The following NLRP11 variants were observed in gnomAD, a reference collection of about 807,000 sequenced individuals.
NLRP11 encodes NACHT, LRR and PYD domains-containing protein 11.
A neutral mutation model predicts 79.3 loss-of-function variants in NLRP11; 53 were observed. The ratio of observed to expected loss-of-function variants is 0.67; its 90% CI spans 0.54 to 0.84. The LOEUF is 0.84. Among genes scored for constraint, NLRP11 ranks in the 40% least tolerant of loss-of-function variants. NLRP11 has a pLI of 0.00. For synonymous variants in NLRP11, 518 were observed against 462.6 expected, an observed-to-expected ratio of 1.12 and a Z score of -1.54; for missense variants, 1,264 against 1,255.0, an observed-to-expected ratio of 1.01 and a Z score of -0.11.
Position 55,807,915 on chromosome 19 carries a change from A to G in NLRP11, c.1941T>C (p.Gly647=), listed in dbSNP as rs145678087. The change falls in exon 4 of 10, where the codon GGT becomes GGC. Residue 647 remains glycine, a synonymous_variant. Coordinates refer to ENST00000589093, the Ensembl canonical transcript of NLRP11. ...CTTTAGACAGAATCCTTTCTGAAAT[A>G]CCATTAAGGTCATTGTCAAAGATAT... The G allele has an allele frequency of 1.6e-4, 255 of 1,612,264 alleles. No individual in the cohort carries two copies. In the African/African-American group the frequency reaches 3.1e-3, roughly 19 times the overall value.
Position 55,789,391 on chromosome 19 carries a change from CCAGA to C in NLRP11, c.2518_2521del (p.Ser840AlafsTer14), listed in dbSNP as rs770595894. 12 of 1,610,416 alleles carry C rather than the reference CCAGA, an allele frequency of 7.5e-6. No homozygotes were observed. Among genetic ancestry groups the C allele is most frequent in the Non-Finnish European group, 1.0e-5 (12 of 1,178,878 alleles). ...ACAGATATCGCTGCTAAAGAAACAG[CCAGA>C]CAGACTGCAAAACAGAAACATGAGC... is the stretch of plus-strand genomic sequence containing the variant. On this transcript the variant is annotated frameshift_variant, in exon 8 of 10. Coordinates refer to ENST00000589093, the Ensembl canonical transcript of NLRP11. LOFTEE classifies it high-confidence loss of function.
At chr19:55,801,871 T>C in intron 4 of NLRP11, 132 bp from the exon 5 acceptor site, 1 of 720,938 alleles carries the variant, frequency 1.4e-6, no homozygotes, top group Non-Finnish European at 2.3e-6. Flanking sequence ...TGGCTCTCGA[T>C]CTTAAATTTC....
intron 5 of NLRP11, chr19:55,798,241 G>C: frequency 3.9e-6 from 3 of 763,954 alleles, no homozygotes; most frequent in Non-Finnish European, 4.8e-6. Context: ...CAGGTGATCT[G>C]CCCGCCTCGG....
intron 1 of NLRP11, among the ~76,000 whole-genome samples, chr19:55,822,124 G>T (rs1222867224): frequency 6.6e-6 from 1 of 152,086 alleles, no homozygotes; most frequent in African/African-American, 2.4e-5. Flanking sequence ...AGGCAAGCAT[G>T]GTGGTGGTGG....
chr19:55,814,924 A>C (rs8101301), intron 2 of NLRP11, among the ~76,000 whole-genome samples: 76 of 152,282 alleles, frequency 5.0e-4, no homozygotes, highest in African/African-American at 1.7e-3. Context: ...GTGAGTGAGC[A>C]AGAGTCCCCA....
At chr19:55,822,845 C>T (rs538987999) in intron 1 of NLRP11, among the ~76,000 whole-genome samples, 12 of 152,260 alleles carry the variant, frequency 7.9e-5, no homozygotes, top group Non-Finnish European at 1.5e-4. Flanking sequence ...GAGGGGCGCC[C>T]GCCATTGCCC....
chr19:55,829,447 G>A (rs1388987956), intron 1 of NLRP11, among the ~76,000 whole-genome samples: 1 of 151,868 alleles, frequency 6.6e-6, no homozygotes, highest in Admixed American at 6.6e-5. Context: ...GGCAGATCAC[G>A]AGGTCAGGAG....
chr19:55,831,556 C>T (rs756633326), intron 1 of NLRP11, among the ~76,000 whole-genome samples: 119 of 152,126 alleles, frequency 7.8e-4, no homozygotes, highest in Non-Finnish European at 1.3e-3. Flanking sequence ...AGCGAGACTC[C>T]GTCTCAAAAT....
Position 55,809,197 on chromosome 19 carries a change from G to T in NLRP11, c.1413C>A (p.Ile471=), listed in dbSNP as rs1429055971. Residue 471 remains isoleucine, a synonymous_variant, in exon 3 of 10, where the codon ATC becomes ATA. Transcript: ENST00000589093. This position sits in a 1 kb window ranked among gnomAD's most constrained non-coding sequence, Gnocchi z 4.5. Reference sequence around the variant, plus strand: ...CTTTATACTCTCTGCTGCCTGAGGGGATCAGATAGTTGGGTACTGCCATCA... The same window carrying T: ...CTTTATACTCTCTGCTGCCTGAGGGTATCAGATAGTTGGGTACTGCCATCA... 1.2e-6 allele frequency: 2 copies of T among 1,613,148 alleles called. No homozygotes were observed. Among genetic ancestry groups the T allele is most frequent in the Non-Finnish European group, 1.7e-6 (2 of 1,179,136 alleles).
At chr19:55,810,050 G>A (rs1980448308) in exon 3 of NLRP11, 1 of 1,613,998 alleles carries the variant, frequency 6.2e-7, no homozygotes, top group Non-Finnish European at 8.5e-7. Flanking sequence ...TTCGTGAGCA[G>A]TGAGGTGAAC....
At chr19:55,834,003 G>T (rs1292675129), upstream of NLRP11, among the ~76,000 whole-genome samples, 6 of 151,528 alleles carry the variant, frequency 4.0e-5, no homozygotes, top group Non-Finnish European at 7.4e-5. Context: ...AATTACAAGT[G>T]ACTTAATACT....
chr19:55,796,838 G>T (rs1003956950), intron 5 of NLRP11, among the ~76,000 whole-genome samples: 1 of 151,948 alleles, frequency 6.6e-6, no homozygotes, highest in East Asian at 1.9e-4. Flanking sequence ...ACAGGCATGC[G>T]TTACCACACC....
rs542918508 is a variant in NLRP11, at chr19:55,805,060, T to C, written c.2003+2793A>G. Among the ~76,000 whole-genome samples the C allele has an allele frequency of 8.6e-5, 13 of 151,958 alleles. No individual in the cohort carries two copies. In the South Asian group the frequency reaches 2.7e-3, roughly 32 times the overall value. On this transcript the variant is annotated intron_variant, in intron 4 of 9. Coordinates refer to ENST00000589093, the Ensembl canonical transcript of NLRP11. ...CTGGGTGACAGAGCAAGACGCTGAC[T>C]CAAAAAATAATAACAAATAATTCAC...
At chr19:55,821,952 T>A (rs1981783534) in intron 1 of NLRP11, among the ~76,000 whole-genome samples, 1 of 152,206 alleles carries the variant, frequency 6.6e-6, no homozygotes, top group Non-Finnish European at 1.5e-5. Flanking sequence ...TTCGTGCTCA[T>A]ATGGTTAACA....
At chr19:55,806,315 T>C (rs1020637046) in intron 4 of NLRP11, among the ~76,000 whole-genome samples, 5 of 152,236 alleles carry the variant, frequency 3.3e-5, no homozygotes, top group Admixed American at 2.0e-4. Flanking sequence ...GGACACCTAA[T>C]AGACATCACA....
chr19:55,790,405 A>G (rs1290020515), intron 7 of NLRP11, among the ~76,000 whole-genome samples: 2 of 152,112 alleles, frequency 1.3e-5, no homozygotes, highest in Admixed American at 1.3e-4. Flanking sequence ...TCTTTATAAA[A>G]CCAGGCAGAG....
Position 55,809,017 on chromosome 19 carries a change from A to C in NLRP11, c.1593T>G (p.His531Gln). The change falls in exon 3 of 10, where the codon CAT becomes CAG. Residue 531 changes from histidine to glutamine, a missense_variant. Coordinates refer to ENST00000589093, the Ensembl canonical transcript of NLRP11. This position sits in a 1 kb window ranked among gnomAD's most constrained non-coding sequence, Gnocchi z 4.5. ...TCAACTTTTCCGGGTCACGGTCCAA[A>C]TGTTTCATGTATCCCACCGAGTACC... 1.2e-6 allele frequency: 2 copies of C among 1,614,062 alleles called. No individual in the cohort carries two copies. Among genetic ancestry groups the C allele is most frequent in the Non-Finnish European group, 1.7e-6 (2 of 1,180,000 alleles).
At chr19:55,822,273 T>TAAA (rs3073266) in intron 1 of NLRP11, among the ~76,000 whole-genome samples, 17,009 of 151,682 alleles carry the variant, frequency 0.11, 1,114 homozygotes, top group African/African-American at 0.17. Context: ...CAAAAAGAAA[T>TAAA]AAAAAAAGAT....
At chr19:55,794,675 G>C (rs1978634102) in intron 6 of NLRP11, among the ~76,000 whole-genome samples, 1 of 152,092 alleles carries the variant, frequency 6.6e-6, no homozygotes, top group East Asian at 1.9e-4. Context: ...CAGGAGAATG[G>C]CGTGAACCCG....
Sources: gnomAD v4.1 joint callset for allele counts (sites outside exome capture counted in the v4.1 genomes callset) on GRCh38, gnomAD v4.1.1 for gene constraint, Gnocchi (gnomAD v3.1) non-coding constraint, MANE v1.5 for transcripts, NCBI Gene and HGNC (gene_info 2026-07-23, HGNC 2026-07-21) for gene names.